The following BCL7C variants were observed in gnomAD, a reference collection of about 807,000 sequenced individuals.
BCL7C encodes B-cell CLL/lymphoma 7 protein family member C.
In BCL7C, 8 loss-of-function variants were observed where a neutral mutation model predicts 26.2. The ratio of observed to expected loss-of-function variants is 0.30; its 90% confidence interval spans 0.18 to 0.55. BCL7C has a LOEUF of 0.55. Ranked by LOEUF, BCL7C falls within the 20% of genes least tolerant of loss-of-function variation. The pLI, the probability that BCL7C is intolerant of heterozygous loss-of-function variation, is 0.93. For synonymous variants in BCL7C, 90 were observed against 116.5 expected, an observed-to-expected ratio of 0.77 and a Z score of 1.47; for missense variants, 262 against 298.5, an observed-to-expected ratio of 0.88 and a Z score of 0.90.
At chr16:30,873,954 TAC>T (rs145435913) in intron 5 of BCL7C, among the ~76,000 whole-genome samples, 172 of 137,760 alleles carry the variant, frequency 1.2e-3, no homozygotes, top group Middle Eastern at 7.2e-3. Flanking sequence ...GATATATGTA[TAC>T]ACACACACAC....
chr16:30,857,900 G>A (rs2054736770), intron 5 of BCL7C, among the ~76,000 whole-genome samples: 1 of 150,910 alleles, frequency 6.6e-6, no homozygotes, highest in Non-Finnish European at 1.5e-5. Flanking sequence ...GGACCTAAGA[G>A]GTGGAGGTTG....
chr16:30,877,730 C>T (rs2054971816), intron 5 of BCL7C, among the ~76,000 whole-genome samples: 2 of 152,072 alleles, frequency 1.3e-5, no homozygotes, highest in African/African-American at 2.4e-5. Flanking sequence ...TGAGCCACCG[C>T]GCCCAGCCTA....
chr16:30,882,327 A>G (rs1466663621), intron 5 of BCL7C, among the ~76,000 whole-genome samples: 1 of 152,146 alleles, frequency 6.6e-6, no homozygotes, highest in African/African-American at 2.4e-5. Flanking sequence ...ATAAGTACCT[A>G]TTGCTATGAA....
At chr16:30,880,884 T>C (rs942175425) in intron 5 of BCL7C, among the ~76,000 whole-genome samples, 5 of 152,000 alleles carry the variant, frequency 3.3e-5, no homozygotes, top group Admixed American at 6.6e-5. Context: ...TAAGTTTTTG[T>C]AGAGATGAGG....
At position 30,856,580 on chromosome 16, in the gene BCL7C, C is replaced by T. The variant is rs944319431; in HGVS notation, c.529-21432G>A. On this transcript the variant is annotated intron_variant, in intron 5 of 5. Coordinates refer to the BCL7C transcript ENST00000380317. ...CTAATTCAGTCGCATCTGTATTCTA[C>T]GTTGTGCAGCCACTGAAGTCTGCTC... 9.2e-5 allele frequency among the ~76,000 whole-genome samples: 14 copies of T among 152,228 alleles called. 1 individual carries two copies. Among genetic ancestry groups the T allele is most frequent in the Non-Finnish European group, 1.9e-4 (13 of 68,022 alleles).
chr16:30,858,552 G>T (rs2054743800), intron 5 of BCL7C, among the ~76,000 whole-genome samples: 1 of 152,184 alleles, frequency 6.6e-6, no homozygotes, highest in Non-Finnish European at 1.5e-5. Flanking sequence ...GGCCTCCTCA[G>T]TGGGCCCCAG....
At chr16:30,884,646 C>T (rs1414856526), downstream of BCL7C, among the ~76,000 whole-genome samples, 2 of 151,792 alleles carry the variant, frequency 1.3e-5, no homozygotes, top group Non-Finnish European at 2.9e-5. Flanking sequence ...ACAGATGCCC[C>T]GCAACCATGC....
At chr16:30,888,599 T>C (rs941990434) in intron 5 of BCL7C, 6 of 288,720 alleles carry the variant, frequency 2.1e-5, no homozygotes, top group African/African-American at 1.3e-4. Flanking sequence ...CCTCCCAAAG[T>C]GCTGGGATTA....
rs760585991 is a variant in BCL7C at position 30,893,057 on chromosome 16, G to C, written c.172-109C>G. 2.2e-4 allele frequency: 285 copies of C among 1,271,212 alleles called. No individual in the cohort carries two copies. The highest frequency in any genetic ancestry group is 3.0e-4 in the Non-Finnish European group (273 of 902,654). 78.7% of individuals were successfully genotyped at this position (1,271,212 alleles called of 1,614,324 possible). A position where few individuals can be genotyped will look rare whatever the true frequency, so the allele number is the denominator to read the frequency against. On this transcript the variant is annotated intron_variant, in intron 2 of 5. Coordinates refer to ENST00000215115, the MANE Select transcript of BCL7C (RefSeq NM_004765.4). The surrounding 1 kb of genome is among the most constrained non-coding windows in gnomAD (Gnocchi z 5.2). ...GCTCAAACTCAGGGGGTGTGGAGCA[G>C]AAAAGAGGGCAAAAGGGGAGGAGCT...
At chr16:30,881,425 C>G (rs867517065) in intron 5 of BCL7C, among the ~76,000 whole-genome samples, 1 of 142,924 alleles carries the variant, frequency 7.0e-6, no homozygotes, top group Middle Eastern at 3.4e-3. Flanking sequence ...CACACACACA[C>G]AACAAAAAAT....
chr16:30,852,394 G>A (rs2054683153), intron 5 of BCL7C: 1 of 151,428 alleles, frequency 6.6e-6, no homozygotes, highest in Admixed American at 6.6e-5. Flanking sequence ...CCATTAAAAT[G>A]ATGTATAGCA....
chr16:30,889,527 TCC>T (rs1201491483), intron 4 of BCL7C, among the ~76,000 whole-genome samples: 2 of 152,162 alleles, frequency 1.3e-5, no homozygotes, highest in East Asian at 3.9e-4. Context: ...TCTCGCTGTG[TCC>T]CCCAGGCTGG....
downstream of BCL7C, among the ~76,000 whole-genome samples, chr16:30,884,589 C>T (rs568080700): frequency 1.3e-4 from 19 of 151,420 alleles, no homozygotes; most frequent in African/African-American, 4.4e-4. Context: ...CTCCTCCTCC[C>T]GGGTTCAAGA....
At chr16:30,871,042 G>A (rs1445649984) in intron 5 of BCL7C, among the ~76,000 whole-genome samples, 2 of 152,242 alleles carry the variant, frequency 1.3e-5, no homozygotes, top group African/African-American at 4.8e-5. Flanking sequence ...GGTGGCAGTT[G>A]CAGGCCAGGG....
intron 5 of BCL7C, among the ~76,000 whole-genome samples, chr16:30,859,472 G>A (rs1393964012): frequency 1.3e-5 from 2 of 152,144 alleles, no homozygotes; most frequent in Non-Finnish European, 2.9e-5. Flanking sequence ...CTGAGCCCAA[G>A]CTAAGCCATC....
chr16:30,890,616 G>A (rs1041801076), intron 4 of BCL7C, among the ~76,000 whole-genome samples: 1 of 152,080 alleles, frequency 6.6e-6, no homozygotes, highest in African/African-American at 2.4e-5. Context: ...TTGGGAGGCC[G>A]AGGCGGGCGG....
chr16:30,872,655 C>T (rs1050870915), intron 5 of BCL7C, among the ~76,000 whole-genome samples: 1 of 152,140 alleles, frequency 6.6e-6, no homozygotes, highest in Non-Finnish European at 1.5e-5. Flanking sequence ...CAGCCTGGTG[C>T]CCGCATGTTT....
In BCL7C at chr16:30,860,520, A is replaced by C. The variant is rs527305315; in HGVS notation, c.529-25372T>G. ...TTAAAACCTCTTCAACTCACACCTGACCTAAAACCTAAACACCTTATTTTC... is the reference window on the plus strand; with the variant it reads ...TTAAAACCTCTTCAACTCACACCTGCCCTAAAACCTAAACACCTTATTTTC... On this transcript the variant is annotated intron_variant, in intron 5 of 5. Transcript: ENST00000380317. Among the ~76,000 whole-genome samples the C allele has an allele frequency of 8.5e-4, 129 of 152,224 alleles. 1 individual carries two copies. Among genetic ancestry groups the C allele is most frequent in the African/African-American group, 3.0e-3 (126 of 41,526 alleles).
chr16:30,844,020 C>T (rs529243926), intron 5 of BCL7C, among the ~76,000 whole-genome samples: 13 of 118,918 alleles, frequency 1.1e-4, no homozygotes, highest in Admixed American at 8.9e-4. Context: ...CCAGCTTTGG[C>T]GACAAAGCGA....
Sources: gnomAD v4.1 joint callset for allele counts (sites outside exome capture counted in the v4.1 genomes callset) on GRCh38, gnomAD v4.1.1 for gene constraint, Gnocchi (gnomAD v3.1) non-coding constraint, MANE v1.5 for transcripts, NCBI Gene and HGNC (gene_info 2026-07-23, HGNC 2026-07-21) for gene names.